The following TRAF3 variants were observed in gnomAD, a reference collection of about 807,000 sequenced individuals.
The protein encoded by TRAF3 is TNF receptor associated factor 3.
In TRAF3, 13 loss-of-function variants were observed where a neutral mutation model predicts 62.3. The ratio of observed to expected loss-of-function variants is 0.21; its 90% CI spans 0.14 to 0.33. TRAF3 has a LOEUF of 0.33. Ranked by LOEUF, TRAF3 falls within the 10% of genes least tolerant of loss-of-function variation. The pLI is 1.00. For synonymous variants in TRAF3, 269 were observed against 283.4 expected (o/e 0.95, Z 0.51); for missense variants, 440 against 741.8 (o/e 0.59, Z 4.73).
chr14:102,790,903 C>T (rs1897752528), intron 1 of TRAF3, among the ~76,000 whole-genome samples: 1 of 151,382 alleles, frequency 6.6e-6, no homozygotes, highest in Admixed American at 6.6e-5. Context: ...TTCATTTCTG[C>T]AAAAAAGGTC....
At chr14:102,888,310 A>G (rs1889516816) in intron 7 of TRAF3, among the ~76,000 whole-genome samples, 1 of 152,204 alleles carries the variant, frequency 6.6e-6, no homozygotes, top group South Asian at 2.1e-4. Context: ...GAGGAGCAGC[A>G]AGGGCGTCAG....
chr14:102,830,588 T>C (rs1900617296), intron 2 of TRAF3, 116 bp downstream of exon 2: 1 of 152,262 alleles, frequency 6.6e-6, no homozygotes, highest in South Asian at 2.1e-4. Context: ...TTAAAAATTC[T>C]TGTCTTCCCT....
chr14:102,874,713 C>T (rs190928174), intron 4 of TRAF3, among the ~76,000 whole-genome samples: 4 of 150,750 alleles, frequency 2.7e-5, no homozygotes, highest in Admixed American at 1.3e-4. Context: ...TGCAGCAGTG[C>T]GATCATGGCT....
At chr14:102,894,930 G>A (rs970366587) in intron 9 of TRAF3, 95 of 331,306 alleles carry the variant, frequency 2.9e-4, no homozygotes, top group Non-Finnish European at 9.6e-5. Context: ...TCAATTCCTT[G>A]GGCTCAAGTG....
At chr14:102,834,666 T>C (rs369014001) in intron 2 of TRAF3, among the ~76,000 whole-genome samples, 5 of 123,564 alleles carry the variant, frequency 4.0e-5, no homozygotes, top group East Asian at 4.5e-4. Flanking sequence ...CCAGCCTGGG[T>C]GACAGAGCGA....
Position 102,905,935 on chromosome 14 carries a change from G to A in TRAF3, c.*151G>A, listed in dbSNP as rs938626101. The A allele has an allele frequency of 7.9e-6, 5 of 635,846 alleles. No homozygotes were observed. Among genetic ancestry groups the A allele is most frequent in the Admixed American group, 2.9e-5 (1 of 34,130 alleles). The allele number at this position is 635,846 out of a possible 1,614,324, so 39.4% of individuals were successfully genotyped here. A position where few individuals can be genotyped will look rare whatever the true frequency, so the allele number is the denominator to read the frequency against. ...GACGCGTGCCGGCGGGAGGAGCCAC[G>A]CGTGAGCACACCTGACACGTTTTAT... On this transcript the variant is annotated 3_prime_UTR_variant, in exon 12 of 12. Transcript: ENST00000392745.
chr14:102,848,840 T>C (rs570142357), intron 2 of TRAF3, among the ~76,000 whole-genome samples: 2 of 152,376 alleles, frequency 1.3e-5, no homozygotes, highest in South Asian at 4.1e-4. Context: ...TGGGTGGATA[T>C]AGAGGCTCGA....
chr14:102,846,427 C>T (rs1886724754), intron 2 of TRAF3, among the ~76,000 whole-genome samples: 1 of 152,048 alleles, frequency 6.6e-6, no homozygotes, highest in Non-Finnish European at 1.5e-5. Flanking sequence ...TTATTTTCAT[C>T]TGCTTCTGGT....
chr14:102,836,967 C>G (rs1886046771), intron 2 of TRAF3, among the ~76,000 whole-genome samples: 1 of 152,172 alleles, frequency 6.6e-6, no homozygotes, highest in Non-Finnish European at 1.5e-5. Context: ...ATAGCTGTAA[C>G]TGTGACAGAG....
At chr14:102,849,960 G>A (rs1054282744) in intron 2 of TRAF3, among the ~76,000 whole-genome samples, 2 of 152,192 alleles carry the variant, frequency 1.3e-5, no homozygotes, top group Non-Finnish European at 2.9e-5. Context: ...CTTTCTTGCG[G>A]CAGGAGCCTT....
intron 2 of TRAF3, among the ~76,000 whole-genome samples, chr14:102,835,650 G>A (rs184494039): frequency 6.0e-4 from 92 of 152,288 alleles, no homozygotes; most frequent in African/African-American, 1.9e-3. Context: ...AACGAATGCA[G>A]GAACATAAAA....
intron 10 of TRAF3, among the ~76,000 whole-genome samples, chr14:102,901,587 TG>T (rs778147956): frequency 1.3e-5 from 2 of 152,196 alleles, no homozygotes; most frequent in African/African-American, 2.4e-5. Flanking sequence ...TGAACATGTA[TG>T]ATTGTGTAAA....
intron 2 of TRAF3, among the ~76,000 whole-genome samples, chr14:102,831,895 A>G (rs974942243): frequency 1.3e-5 from 2 of 152,124 alleles, no homozygotes; most frequent in African/African-American, 4.8e-5. Flanking sequence ...TTGCTTATCT[A>G]AAAGTTTTGT....
chr14:102,785,627 T>C (rs371919526), intron 1 of TRAF3, among the ~76,000 whole-genome samples: 2 of 152,324 alleles, frequency 1.3e-5, no homozygotes, highest in Admixed American at 1.3e-4. Flanking sequence ...TGTGGAAATA[T>C]GAGTTAAAGG....
rs1890621133 is a variant in TRAF3 at position 102,907,105 on chromosome 14, A to C, written c.*1321A>C. 1 of 152,138 alleles carries C rather than the reference A, an allele frequency of 6.6e-6. No homozygotes were observed. Among genetic ancestry groups the C allele is most frequent in the African/African-American group, 2.4e-5 (1 of 41,440 alleles). The allele number at this position is 152,138 out of a possible 1,614,324, so 9.4% of individuals were successfully genotyped here. On this transcript the variant is annotated 3_prime_UTR_variant, in exon 12 of 12. Coordinates refer to ENST00000392745, the MANE Select transcript of TRAF3 (RefSeq NM_145725.3). ...CCGCTGCTTAATTACCACAGATTCC[A>C]AATCTCTAGGCCCCACGAGTGAGCC...
At chr14:102,785,673 T>C (rs1897461569) in intron 1 of TRAF3, among the ~76,000 whole-genome samples, 1 of 152,188 alleles carries the variant, frequency 6.6e-6, no homozygotes, top group East Asian at 1.9e-4. Context: ...AGGGAAATGA[T>C]GTTTGGCTAT....
chr14:102,839,882 G>C (rs1256769095), intron 2 of TRAF3, among the ~76,000 whole-genome samples: 1 of 152,192 alleles, frequency 6.6e-6, no homozygotes, highest in Non-Finnish European at 1.5e-5. Context: ...GAAGTAGTTA[G>C]AGCATAATGT....
Position 102,903,531 on chromosome 14 carries a change from T to A in TRAF3, c.1135+102T>A, listed in dbSNP as rs1170917153. 1.3e-6 allele frequency: 2 copies of A among 1,517,212 alleles called. No homozygotes were observed. The highest frequency in any genetic ancestry group is 1.7e-4 in the Middle Eastern group (1 of 5,944). 94.0% of individuals were successfully genotyped at this position (1,517,212 alleles called of 1,614,324 possible). A position where few individuals can be genotyped will look rare whatever the true frequency, so the allele number is the denominator to read the frequency against. On this transcript the variant is annotated intron_variant, in intron 11 of 11. Coordinates refer to ENST00000392745, the MANE Select transcript of TRAF3 (RefSeq NM_145725.3). The surrounding 1 kb of genome is among the most constrained non-coding windows in gnomAD (Gnocchi z 6.4). ...GAGGGCTATGTTAGGTACATGTGCC[T>A]TAGGACAGTTTTTTCTAATTATGGG...
Position 102,901,268 on chromosome 14 carries a change from TC to T in TRAF3, c.961-1986del, listed in dbSNP as rs200581885. Among the ~76,000 whole-genome samples, 1,096 of 152,284 alleles carry T rather than the reference TC, an allele frequency of 7.2e-3. 11 individuals are homozygous for T. The highest frequency in any genetic ancestry group is 0.025 in the African/African-American group (1,047 of 41,558). ...GAGGGGTGGCTCGGTGCCATCCCCC[TC>T]TTAACCTCGGGGGCCTGAGGCTCAG... On this transcript the variant is annotated intron_variant, in intron 10 of 11. Transcript: ENST00000392745.
Sources: gnomAD v4.1 joint callset for allele counts (sites outside exome capture counted in the v4.1 genomes callset) on GRCh38, gnomAD v4.1.1 for gene constraint, Gnocchi (gnomAD v3.1) non-coding constraint, MANE v1.5 for transcripts, NCBI Gene and HGNC (gene_info 2026-07-23, HGNC 2026-07-21) for gene names.